The following ATP2B3 variants were observed in gnomAD, a reference collection of about 807,000 sequenced individuals.
ATP2B3 encodes the protein plasma membrane calcium-transporting ATPase 3.
A neutral mutation model predicts 70.8 loss-of-function variants in ATP2B3; 12 were observed. That is an observed-to-expected ratio of 0.17 (90% CI 0.11 to 0.27). ATP2B3 has a LOEUF of 0.27. ATP2B3 is among the 10% of genes least tolerant of loss of function. The probability of loss-of-function intolerance (pLI) is 1.00; values close to 1 mark genes in which losing one functional copy is unlikely to be tolerated. For synonymous variants in ATP2B3, 460 were observed against 497.8 expected (o/e 0.92, Z 1.01); for missense variants, 858 against 1,118.5 (o/e 0.77, Z 3.32).
chrX:153,576,047 T>C (rs2090853115), intron 21 of ATP2B3, among the ~76,000 whole-genome samples: 1 of 111,878 alleles, frequency 8.9e-6, no homozygotes, highest in Non-Finnish European at 1.9e-5. Flanking sequence ...AAGAGTGCTT[T>C]CATTTCCTTT....
Position 153,541,810 on chromosome X carries a change from G to A in ATP2B3, c.548G>A (p.Arg183Gln), listed in dbSNP as rs782614609. Residue 183 changes from arginine (R) to glutamine (Q), a missense_variant, in exon 5 of 22, where the codon CGA becomes CAA. Arg to Gln is a conservative substitution (Grantham distance 43). Around this residue, in one of 5 missense-constraint regions of ATP2B3, gnomAD observed 278 missense variants for 366.2 expected, o/e 0.76. Coordinates refer to ENST00000263519, the MANE Select transcript of ATP2B3 (RefSeq NM_001001344.3). ...FNDWSKEKQF[R>Q]GLQSRIEQEQ... The stretch of plus-strand genomic sequence containing the variant: ...GACTGGAGCAAGGAGAAGCAGTTCC[G>A]AGGCCTGCAGAGCCGAATTGAGCAG... The A allele has an allele frequency of 2.5e-6, 3 of 1,211,481 alleles. No homozygotes were observed. The highest frequency in any genetic ancestry group is 3.4e-6 in the Non-Finnish European group (3 of 895,496).
chrX:153,552,585 C>T (rs782006474), intron 12 of ATP2B3, among the ~76,000 whole-genome samples: 16 of 112,448 alleles, frequency 1.4e-4, no homozygotes, highest in African/African-American at 4.8e-4. Flanking sequence ...AGGTTCCACC[C>T]GCTTGCCCTA....
intron 3 of ATP2B3, among the ~76,000 whole-genome samples, chrX:153,539,258 G>A (rs1042304465): frequency 8.9e-6 from 1 of 112,306 alleles, no homozygotes; most frequent in Non-Finnish European, 1.9e-5. Context: ...AGCTGAGGTC[G>A]TGCGTTAACC....
chrX:153,546,248 AG>A, intron 8 of ATP2B3, 119 bp downstream of exon 8: 2 of 899,800 alleles, frequency 2.2e-6, no homozygotes, highest in Non-Finnish European at 3.2e-6. Flanking sequence ...CTTGGAGACC[AG>A]GTGAGTGGGC....
At chrX:153,550,387 T>G (rs782607866) in intron 12 of ATP2B3, 101 bp downstream of exon 12, 4 of 1,117,899 alleles carry the variant, frequency 3.6e-6, no homozygotes, top group Non-Finnish European at 4.8e-6. Flanking sequence ...TCAACCACTT[T>G]ACAGTGTACA....
At chrX:153,557,277 A>AT (rs1212563450) in intron 16 of ATP2B3, among the ~76,000 whole-genome samples, 1 of 111,712 alleles carries the variant, frequency 9.0e-6, no homozygotes, top group African/African-American at 3.3e-5. Flanking sequence ...AGGAAGGGGA[A>AT]TGGGGGGTGG....
rs369161354 is a variant in ATP2B3, at chrX:153,579,775, G to A, written c.3343-203G>A. Reference sequence around the variant, plus strand: ...AAGGCAGGCAGAGCCATCCCATTCCGTAGCAGCCCTCCAACAAATGGGTGG... The same window carrying A: ...AAGGCAGGCAGAGCCATCCCATTCCATAGCAGCCCTCCAACAAATGGGTGG... On this transcript the variant is annotated intron_variant, in intron 21 of 21. Coordinates refer to ENST00000263519, the MANE Select transcript of ATP2B3 (RefSeq NM_001001344.3). Among the ~76,000 whole-genome samples, 23 of 111,935 alleles carry A rather than the reference G, an allele frequency of 2.1e-4. 2 individuals carry two copies. The East Asian group carries it at 5.7e-3, about 28-fold the overall frequency.
Position 153,570,223 on chromosome X carries a change from A to C in ATP2B3, c.3342+5120A>C, listed in dbSNP as rs781913237. Among the ~76,000 whole-genome samples, 106 of 112,426 alleles carry C rather than the reference A, an allele frequency of 9.4e-4. 1 individual carries two copies. The highest frequency in any genetic ancestry group is 3.3e-3 in the African/African-American group (103 of 30,938). On this transcript the variant is annotated intron_variant, in intron 21 of 21. Coordinates refer to ENST00000263519, the MANE Select transcript of ATP2B3 (RefSeq NM_001001344.3). ...GTGCCTTTCCCACACTGTTTGCCAC[A>C]GAAGAATCTAGCCCACGTACCCAGG...
chrX:153,573,996 G>A (rs916155201), intron 21 of ATP2B3, among the ~76,000 whole-genome samples: 1 of 112,940 alleles, frequency 8.9e-6, no homozygotes, highest in Non-Finnish European at 1.9e-5. Context: ...CTTGGGGAAA[G>A]AGCCAGCTGT....
chrX:153,565,640 G>A (rs781980409), intron 21 of ATP2B3, among the ~76,000 whole-genome samples: 7 of 112,564 alleles, frequency 6.2e-5, no homozygotes, highest in Admixed American at 1.9e-4. Flanking sequence ...GACCAAGGGC[G>A]TCAGCTGTGT....
chrX:153,554,001 G>A (rs1277495950), intron 13 of ATP2B3, among the ~76,000 whole-genome samples: 2 of 113,846 alleles, frequency 1.8e-5, no homozygotes, highest in African/African-American at 3.2e-5. Flanking sequence ...GGGTGCAGGT[G>A]CAACCTGGGA....
chrX:153,569,009 C>T (rs5945307), intron 21 of ATP2B3, among the ~76,000 whole-genome samples: 41,003 of 111,618 alleles, frequency 0.37, 5,857 homozygotes, highest in East Asian at 0.47. Flanking sequence ...CTTCAATTTG[C>T]AGGAAGCTGT....
intron 7 of ATP2B3, among the ~76,000 whole-genome samples, chrX:153,544,209 G>A (rs782070202): frequency 8.9e-6 from 1 of 112,184 alleles, no homozygotes; most frequent in African/African-American, 3.2e-5. Flanking sequence ...CCTGGGCCTC[G>A]TCTGGGCTGG....
At chrX:153,530,463 C>A (rs1417500436) in intron 2 of ATP2B3, among the ~76,000 whole-genome samples, 1 of 112,705 alleles carries the variant, frequency 8.9e-6, no homozygotes, top group East Asian at 2.8e-4. Flanking sequence ...AATCGGGCAA[C>A]CTCCTGGGCT....
intron 7 of ATP2B3, among the ~76,000 whole-genome samples, chrX:153,544,667 T>G (rs782384688): frequency 1.9e-4 from 21 of 110,822 alleles, no homozygotes; most frequent in Middle Eastern, 4.7e-3. Context: ...TGGCGCAGCC[T>G]GCCAGGTACA....
chrX:153,555,393 G>A (rs1284815812), intron 13 of ATP2B3, among the ~76,000 whole-genome samples: 6 of 111,272 alleles, frequency 5.4e-5, no homozygotes, highest in Non-Finnish European at 9.5e-5. Context: ...CTTACCCGAC[G>A]GTGCTCACAA....
intron 3 of ATP2B3, among the ~76,000 whole-genome samples, chrX:153,540,565 C>T (rs2090265205): frequency 8.9e-6 from 1 of 112,390 alleles, no homozygotes; most frequent in African/African-American, 3.2e-5. Context: ...ACCCTGGAGA[C>T]TGCTGATTCC....
intron 18 of ATP2B3, 129 bp from the exon 19 acceptor site, chrX:153,560,547 C>T (rs781879323): frequency 1.3e-6 from 1 of 764,423 alleles, no homozygotes; most frequent in Non-Finnish European, 1.9e-6. Context: ...GGGCCTTGGC[C>T]GTGAGCTGGA....
At position 153,556,040 on chromosome X, in the gene ATP2B3, C is replaced by G; in HGVS notation, c.2059-9C>G. 8.2e-7 allele frequency: 1 copy of G among 1,212,317 alleles called. No individual in the cohort carries two copies. Among genetic ancestry groups the G allele is most frequent in the South Asian group, 1.8e-5 (1 of 57,015 alleles). On this transcript the variant is annotated splice_polypyrimidine_tract_variant and intron_variant, in intron 13 of 21. Transcript: ENST00000263519. ...CGATGGCCCCGCCCACCTCTCTTGT[C>G]TCTTCTAGGTCCCTGAAGCTATCCG...
Sources: allele counts gnomAD v4.1 joint callset (sites outside exome capture counted in the v4.1 genomes callset), GRCh38; gene constraint gnomAD v4.1.1; regional missense constraint gnomAD v4.1.1; transcripts MANE v1.5; gene names NCBI Gene and HGNC (gene_info 2026-07-23, HGNC 2026-07-21).